The following EFCAB8 variants were observed in gnomAD, a reference collection of about 807,000 sequenced individuals.
EFCAB8 encodes the protein EF-hand calcium-binding domain-containing protein 8.
EFCAB8 carries 100 observed loss-of-function variants against 116.3 expected under a neutral mutation model. The observed-to-expected ratio is 0.86, with a 90% CI of 0.73 to 1.02. The LOEUF (loss-of-function observed/expected upper bound fraction) is 1.02. Ranked by LOEUF, EFCAB8 falls within the 50% of genes least tolerant of loss-of-function variation. The pLI is 0.00. For synonymous variants in EFCAB8, 558 were observed against 567.9 expected (o/e 0.98, Z 0.25); for missense variants, 1,320 against 1,416.9 (o/e 0.93, Z 1.10).
intron 11 of EFCAB8, among the ~76,000 whole-genome samples, chr20:32,902,692 C>G (rs188188219): frequency 6.6e-6 from 1 of 152,330 alleles, no homozygotes; most frequent in Admixed American, 6.5e-5. Context: ...TTGCTGGTCT[C>G]CCGTTTTGGC....
rs1381094628 is a variant in EFCAB8 at position 32,901,455 on chromosome 20, A to T, written c.1088+2832A>T. The stretch of plus-strand genomic sequence containing the variant: ...GAGTTGGACAAGCTTGGTGTATAAG[A>T]TATGTGTTTCATTCAGATCTTGTTT... On this transcript the variant is annotated intron_variant, in intron 11 of 26. Coordinates refer to ENST00000400522, the MANE Select transcript of EFCAB8 (RefSeq NM_001143967.2). 2.0e-5 allele frequency among the ~76,000 whole-genome samples: 3 copies of T among 151,232 alleles called. No individual in the cohort carries two copies. The East Asian group carries it at 5.8e-4, about 29-fold the overall frequency.
chr20:32,960,044 T>A lies in EFCAB8; in HGVS notation c.3295-19T>A. ...GACCCCCAACTCGCAGCCTTCATTC[T>A]TGGGCGTGGCTCCTGCAGGTGAGCA... On this transcript the variant is annotated intron_variant, in intron 25 of 26. Coordinates refer to ENST00000400522, the MANE Select transcript of EFCAB8 (RefSeq NM_001143967.2). The A allele has an allele frequency of 1.3e-6, 2 of 1,551,656 alleles. No homozygotes were observed. Among genetic ancestry groups the A allele is most frequent in the Non-Finnish European group, 1.7e-6 (2 of 1,146,968 alleles).
At chr20:32,897,102 C>T (rs1299543196) in intron 10 of EFCAB8, among the ~76,000 whole-genome samples, 4 of 152,274 alleles carry the variant, frequency 2.6e-5, no homozygotes, top group Admixed American at 2.0e-4. Context: ...GCCTTCAGGC[C>T]GCGGGGCTCT....
intron 7 of EFCAB8, among the ~76,000 whole-genome samples, chr20:32,889,861 G>T (rs1478053378): frequency 6.6e-6 from 1 of 152,106 alleles, no homozygotes; most frequent in Non-Finnish European, 1.5e-5. Flanking sequence ...AGTTACCTGG[G>T]AGTGGTGGCA....
intron 2 of EFCAB8, among the ~76,000 whole-genome samples, chr20:32,866,830 C>CTCCT (rs1357215161): frequency 3.5e-5 from 5 of 143,676 alleles, no homozygotes; most frequent in East Asian, 2.1e-4. Flanking sequence ...CCTTCCTTCC[C>CTCCT]TCCTTCCTTC....
chr20:32,927,405 C>T lies in EFCAB8; in HGVS notation c.2413-2993C>T, dbSNP rs143998353. ...TGTCTCCCAGGCTGGAGTGCAGTGA[C>T]GTGATCTTGGTTCACTGCAACCTCC... is the stretch of plus-strand genomic sequence containing the variant. On this transcript the variant is annotated intron_variant, in intron 20 of 26. Transcript: ENST00000400522. Among the ~76,000 whole-genome samples the T allele has an allele frequency of 4.1e-3, 627 of 152,158 alleles. 2 individuals are homozygous for T. The highest frequency in any genetic ancestry group is 0.013 in the African/African-American group (549 of 41,496).
At chr20:32,873,319 T>C (rs1380468856) in intron 3 of EFCAB8, among the ~76,000 whole-genome samples, 1 of 151,558 alleles carries the variant, frequency 6.6e-6, no homozygotes, top group Non-Finnish European at 1.5e-5. Context: ...GACCTCGTGA[T>C]CCACCTGCCT....
At chr20:32,943,991 A>G (rs2086517332) in intron 23 of EFCAB8, among the ~76,000 whole-genome samples, 187 bp downstream of exon 23, 1 of 152,208 alleles carries the variant, frequency 6.6e-6, no homozygotes, top group Non-Finnish European at 1.5e-5. Context: ...CCATTCACCC[A>G]TCCACCCAAT....
chr20:32,935,384 G>A (rs1988079413), intron 22 of EFCAB8, among the ~76,000 whole-genome samples: 1 of 151,372 alleles, frequency 6.6e-6, no homozygotes, highest in East Asian at 1.9e-4. Flanking sequence ...ATTTTCAGTA[G>A]AGACGAGGTG....
intron 11 of EFCAB8, among the ~76,000 whole-genome samples, chr20:32,902,919 C>A (rs1986497280): frequency 6.6e-6 from 1 of 152,290 alleles, no homozygotes; most frequent in Non-Finnish European, 1.5e-5. Flanking sequence ...GTGGACTGAC[C>A]CCCGGCGTCT....
chr20:32,898,439 G>A, intron 10 of EFCAB8, 54 bp from the exon 11 acceptor site: 2 of 701,082 alleles, frequency 2.9e-6, no homozygotes, highest in East Asian at 2.7e-5. Context: ...TGGGGGCTGG[G>A]CCTAGAAAGT....
At chr20:32,875,446 G>A (rs73262394) in intron 3 of EFCAB8, among the ~76,000 whole-genome samples, 3 of 150,818 alleles carry the variant, frequency 2.0e-5, no homozygotes, top group Admixed American at 6.7e-5. Flanking sequence ...GCTGAGGACC[G>A]TAGGGGAGGC....
intron 7 of EFCAB8, among the ~76,000 whole-genome samples, chr20:32,890,858 T>A (rs1600389849): frequency 6.6e-6 from 1 of 152,244 alleles, no homozygotes. Context: ...GAGTGTGGCT[T>A]AGTAGTTAGG....
At chr20:32,866,483 G>T (rs1461787560) in intron 2 of EFCAB8, among the ~76,000 whole-genome samples, 2 of 151,734 alleles carry the variant, frequency 1.3e-5, no homozygotes, top group Non-Finnish European at 2.9e-5. Flanking sequence ...TCATGGAGGG[G>T]TGAGGAGAGG....
In EFCAB8 at chr20:32,899,297, C is replaced by T. The variant is rs188107489; in HGVS notation, c.1088+674C>T. Among the ~76,000 whole-genome samples the T allele has an allele frequency of 4.4e-3, 658 of 149,304 alleles. 6 individuals are homozygous for T. The highest frequency in any genetic ancestry group is 0.016 in the African/African-American group (636 of 40,620). ...GTAAGCACCTGTAGTCCCAGCTACTCGGGAGGCTGAGGCAGGAGAATGGTG... is the reference window on the plus strand; with the variant it reads ...GTAAGCACCTGTAGTCCCAGCTACTTGGGAGGCTGAGGCAGGAGAATGGTG... On this transcript the variant is annotated intron_variant, in intron 11 of 26. Transcript: ENST00000400522.
intron 3 of EFCAB8, among the ~76,000 whole-genome samples, chr20:32,871,010 C>T (rs1280259636): frequency 6.6e-6 from 1 of 151,480 alleles, no homozygotes; most frequent in East Asian, 2.0e-4. Flanking sequence ...AGGCACGCAC[C>T]ACTGGCTAAT....
At chr20:32,896,370 C>G (rs889573124) in intron 9 of EFCAB8, 84 bp from the exon 10 acceptor site, 2 of 685,974 alleles carry the variant, frequency 2.9e-6, no homozygotes, top group Non-Finnish European at 5.4e-6. Flanking sequence ...AGTTGCAAGC[C>G]AACTCAAGAC....
intron 11 of EFCAB8, among the ~76,000 whole-genome samples, chr20:32,904,726 A>G (rs1424185917): frequency 1.3e-5 from 2 of 151,322 alleles, no homozygotes; most frequent in Non-Finnish European, 2.9e-5. Context: ...TCCCAGGTCC[A>G]GGTGATTCTC....
intron 9 of EFCAB8, among the ~76,000 whole-genome samples, chr20:32,893,544 G>T (rs924082124): frequency 3.9e-5 from 6 of 152,180 alleles, no homozygotes; most frequent in Non-Finnish European, 5.9e-5. Context: ...GGCTGTGCGG[G>T]TGCGGTCTGG....
Sources: allele counts gnomAD v4.1 joint callset (sites outside exome capture counted in the v4.1 genomes callset), GRCh38; gene constraint gnomAD v4.1.1; transcripts MANE v1.5; gene names NCBI Gene and HGNC (gene_info 2026-07-23, HGNC 2026-07-21).